The following CLSTN3 variants were observed in gnomAD, a reference collection of about 807,000 sequenced individuals.
CLSTN3 encodes the protein calsyntenin 3.
Under a neutral mutation model 95.9 loss-of-function variants are expected in CLSTN3, and 36 were observed. The ratio of observed to expected loss-of-function variants is 0.38; its 90% CI spans 0.29 to 0.50. CLSTN3 has a LOEUF of 0.50. CLSTN3 is among the 20% of genes least tolerant of loss of function. The pLI is 0.95. For missense variants in CLSTN3, 1,084 were observed against 1,268.8 expected (o/e 0.85, Z 2.21); for synonymous variants, 481 against 504.0 (o/e 0.95, Z 0.61).
At chr12:7,156,722 G>C (rs889332715) in intron 16 of CLSTN3, 3 of 456,702 alleles carry the variant, frequency 6.6e-6, no homozygotes, top group Non-Finnish European at 1.3e-5. Context: ...GAGAGTGAAC[G>C]CACCGTTCTG....
At position 7,130,401 on chromosome 12, in the gene CLSTN3, G is replaced by C; in HGVS notation, c.-248G>C. On this transcript the variant is annotated 5_prime_UTR_variant, in exon 1 of 18. Coordinates refer to ENST00000266546, the MANE Select transcript of CLSTN3 (RefSeq NM_014718.4). The stretch of plus-strand genomic sequence containing the variant: ...GCAGTAGCGGGGTTGGGGTGGGAGT[G>C]AGAGAGTGAGGACGCTGGGCTGGGG... The C allele has an allele frequency of 7.0e-7, 1 of 1,436,952 alleles. No homozygotes were observed. 89.0% of individuals were successfully genotyped at this position (1,436,952 alleles called of 1,614,324 possible). A position where few individuals can be genotyped will look rare whatever the true frequency, so the allele number is the denominator to read the frequency against.
Position 7,149,113 on chromosome 12 carries a change from C to T in CLSTN3, c.1989C>T (p.Gly663=), listed in dbSNP as rs764897270. The T allele has an allele frequency of 8.1e-6, 13 of 1,614,082 alleles. No individual in the cohort carries two copies. Among genetic ancestry groups the T allele is most frequent in the East Asian group, 4.5e-5 (2 of 44,896 alleles). ...RPAVDFEGTN[G]VPLFPDLQIT... is the part of the protein sequence containing the mutation. Reference sequence around the variant, plus strand: ...CTGTGGACTTTGAGGGAACCAACGGCGTCCCTTTGTTCCCTGATCTTCAAA... The same window carrying T: ...CTGTGGACTTTGAGGGAACCAACGGTGTCCCTTTGTTCCCTGATCTTCAAA... The change falls in exon 13 of 18, where the codon GGC becomes GGT. Residue 663 remains glycine (G), a synonymous_variant. Transcript: ENST00000266546. This position sits in a 1 kb window ranked among gnomAD's most constrained non-coding sequence, Gnocchi z 4.5.
rs369161461 is a variant in CLSTN3, at chr12:7,150,601, G to A, written c.2303G>A (p.Arg768Gln). Residue 768 changes from arginine (R) to glutamine (Q), a missense_variant, in exon 15 of 18, where the codon CGA becomes CAA. Physicochemically the swap from Arg to Gln is conservative, Grantham distance 43 (BLOSUM62 1). Coordinates refer to ENST00000266546, the MANE Select transcript of CLSTN3 (RefSeq NM_014718.4). This position sits in a 1 kb window ranked among gnomAD's most constrained non-coding sequence, Gnocchi z 4.0. ...EILRQARYRL[R>Q]HGAALYTRKF... Reference sequence around the variant, plus strand: ...CTGAGGCAGGCTCGTTATCGGCTGCGACACGGAGCTGCCCTCTACACCAGG... The same window carrying A: ...CTGAGGCAGGCTCGTTATCGGCTGCAACACGGAGCTGCCCTCTACACCAGG... 59 of 1,613,918 alleles carry A rather than the reference G, an allele frequency of 3.7e-5. No individual in the cohort carries two copies. Among genetic ancestry groups the A allele is most frequent in the Non-Finnish European group, 4.7e-5 (56 of 1,179,988 alleles).
chr12:7,145,346 G>GGT (rs4013711), intron 12 of CLSTN3, among the ~76,000 whole-genome samples: 125 of 148,574 alleles, frequency 8.4e-4, no homozygotes, highest in African/African-American at 2.8e-3. Flanking sequence ...AATATAGAGG[G>GGT]GTGTGTGTGT....
At position 7,149,258 on chromosome 12, in the gene CLSTN3, G is replaced by C. The variant is rs1443972078; in HGVS notation, c.2074+60G>C. On this transcript the variant is annotated intron_variant, in intron 13 of 17. Coordinates refer to ENST00000266546, the MANE Select transcript of CLSTN3 (RefSeq NM_014718.4). The surrounding 1 kb of genome is among the most constrained non-coding windows in gnomAD (Gnocchi z 4.5). ...GAACCAGCCAGTGTCTGGAGTCAGA[G>C]TGTGGGAGAACTCCTGGGGCTGGAA... is the stretch of plus-strand genomic sequence containing the variant. 1.4e-6 allele frequency: 2 copies of C among 1,435,300 alleles called. No homozygotes were observed. Among genetic ancestry groups the C allele is most frequent in the Non-Finnish European group, 1.9e-6 (2 of 1,029,086 alleles). The allele number at this position is 1,435,300 out of a possible 1,614,324, so 88.9% of individuals were successfully genotyped here. A position where few individuals can be genotyped will look rare whatever the true frequency, so the allele number is the denominator to read the frequency against.
chr12:7,129,660 G>C (rs1156650520), upstream of CLSTN3: 1 of 985,374 alleles, frequency 1.0e-6, no homozygotes, highest in Non-Finnish European at 1.2e-6. The surrounding 1 kb of genome is among the most constrained non-coding windows in gnomAD (Gnocchi z 5.5). Flanking sequence ...GTGGGGTGGA[G>C]GCGCCTAAAT....
Position 7,157,753 on chromosome 12 carries a change from A to G in CLSTN3, c.2730+62A>G. 1 of 1,522,836 alleles carries G rather than the reference A, an allele frequency of 6.6e-7. No individual in the cohort carries two copies. Among genetic ancestry groups the G allele is most frequent in the Non-Finnish European group, 8.9e-7 (1 of 1,127,260 alleles). The allele number at this position is 1,522,836 out of a possible 1,614,324, so 94.3% of individuals were successfully genotyped here. ...AGACTGTGGAGCACACACGGTGAGG[A>G]CTCCTGAGGAGGGGCAGGCCTGGGT... On this transcript the variant is annotated intron_variant, in intron 17 of 17. Coordinates refer to ENST00000266546, the MANE Select transcript of CLSTN3 (RefSeq NM_014718.4). The surrounding 1 kb of genome is among the most constrained non-coding windows in gnomAD (Gnocchi z 5.9).
At chr12:7,139,254 G>C (rs971708349) in intron 8 of CLSTN3, among the ~76,000 whole-genome samples, 4 of 152,216 alleles carry the variant, frequency 2.6e-5, no homozygotes, top group Admixed American at 2.6e-4. Context: ...GCAGAGCATG[G>C]CGGGAGGCAA....
rs1939616513 is a variant in CLSTN3, at chr12:7,145,982, T to C, written c.1847+2671T>C. On this transcript the variant is annotated intron_variant, in intron 12 of 17. Transcript: ENST00000266546. ...TGTTACTGTTCTAGCCCAGGTCTTA[T>C]TACCTCTTATCTGGCCCATTGCCTC... is the stretch of plus-strand genomic sequence containing the variant. 4.6e-5 allele frequency among the ~76,000 whole-genome samples: 7 copies of C among 152,202 alleles called. No individual in the cohort carries two copies. The South Asian group carries it at 1.4e-3, about 31-fold the overall frequency.
At position 7,137,851 on chromosome 12, in the gene CLSTN3, T is replaced by A; in HGVS notation, c.1211-104T>A. 1 of 650,746 alleles carries A rather than the reference T, an allele frequency of 1.5e-6. No homozygotes were observed. Among genetic ancestry groups the A allele is most frequent in the East Asian group, 3.7e-5 (1 of 26,932 alleles). The allele number at this position is 650,746 out of a possible 1,614,324, so 40.3% of individuals were successfully genotyped here. On this transcript the variant is annotated intron_variant, in intron 7 of 17. Transcript: ENST00000266546. The surrounding 1 kb of genome is among the most constrained non-coding windows in gnomAD (Gnocchi z 4.4). ...AGAAAAATGCTAGAGAACGAGGGAA[T>A]GAGAGAGGATTAAGAGAATCCAACA...
At chr12:7,146,124 G>A (rs945896223) in intron 12 of CLSTN3, among the ~76,000 whole-genome samples, 3 of 152,152 alleles carry the variant, frequency 2.0e-5, no homozygotes, top group Non-Finnish European at 4.4e-5. Flanking sequence ...AAAGACGTCG[G>A]TGGCTTCCTC....
At position 7,130,631 on chromosome 12, in the gene CLSTN3, C is replaced by G. The variant is rs1056473616; in HGVS notation, c.-18C>G. On this transcript the variant is annotated 5_prime_UTR_variant, in exon 1 of 18. Coordinates refer to ENST00000266546, the MANE Select transcript of CLSTN3 (RefSeq NM_014718.4). The stretch of plus-strand genomic sequence containing the variant: ...AGGGGAGGCAAACGCCTGGCCCTGC[C>G]CTGCCCCACGCCGCACCATGACCCT... 13 of 1,560,214 alleles carry G rather than the reference C, an allele frequency of 8.3e-6. No homozygotes were observed. The Admixed American group carries it at 1.7e-4, about 21-fold the overall frequency.
intron 12 of CLSTN3, among the ~76,000 whole-genome samples, chr12:7,147,330 C>T (rs1420797169): frequency 8.1e-6 from 1 of 123,272 alleles, no homozygotes. Context: ...ACCTGGGAGG[C>T]AGAGGTTGCA....
intron 12 of CLSTN3, among the ~76,000 whole-genome samples, chr12:7,147,518 C>CTTT (rs63621163): frequency 7.0e-4 from 100 of 142,010 alleles, no homozygotes; most frequent in African/African-American, 2.1e-3. Context: ...TTCTTTTCTT[C>CTTT]TTTTTTTTTT....
chr12:7,141,205 T>C lies in CLSTN3; in HGVS notation c.1324-37T>C. ...TAGGGTTAGCTCTCTGAAGACGAAT[T>C]ACCTGAGAGGCTCTTGCCCCTACCC... On this transcript the variant is annotated intron_variant, in intron 8 of 17. Coordinates refer to ENST00000266546, the MANE Select transcript of CLSTN3 (RefSeq NM_014718.4). This position sits in a 1 kb window ranked among gnomAD's most constrained non-coding sequence, Gnocchi z 4.1. 2 of 1,599,144 alleles carry C rather than the reference T, an allele frequency of 1.3e-6. No individual in the cohort carries two copies. The highest frequency in any genetic ancestry group is 1.7e-6 in the Non-Finnish European group (2 of 1,171,460).
Position 7,133,965 on chromosome 12 carries a change from T to G in CLSTN3, c.383+197T>G. 4 of 495,420 alleles carry G rather than the reference T, an allele frequency of 8.1e-6. No homozygotes were observed. The highest frequency in any genetic ancestry group is 7.6e-5 in the South Asian group (2 of 26,470). The allele number at this position is 495,420 out of a possible 1,614,324, so 30.7% of individuals were successfully genotyped here. On this transcript the variant is annotated intron_variant, in intron 3 of 17. Transcript: ENST00000266546. The surrounding 1 kb of genome is among the most constrained non-coding windows in gnomAD (Gnocchi z 4.7). ...AAGGTGACAGAAACGTATAGTAGAG[T>G]TCAGTGGATCTAATCTTGGCTTTGC...
intron 12 of CLSTN3, among the ~76,000 whole-genome samples, chr12:7,148,440 C>G (rs1939665533): frequency 6.6e-6 from 1 of 152,178 alleles, no homozygotes; most frequent in African/African-American, 2.4e-5. Flanking sequence ...GATGATCTCA[C>G]CTACCAAAGT....
Position 7,157,220 on chromosome 12 carries a change from C to T in CLSTN3, c.2528-269C>T, listed in dbSNP as rs973607403. ...GTGTTGGGCAGGGAGTCTTTTTCCT[C>T]CTCTGCCCTTGCCTCTCTGTACACC... On this transcript the variant is annotated intron_variant, in intron 16 of 17. Transcript: ENST00000266546. The surrounding 1 kb of genome is among the most constrained non-coding windows in gnomAD (Gnocchi z 5.9). 6.6e-6 allele frequency among the ~76,000 whole-genome samples: 1 copy of T among 152,190 alleles called. No individual in the cohort carries two copies. The highest frequency in any genetic ancestry group is 6.5e-5 in the Admixed American group (1 of 15,284).
chr12:7,131,939 T>G (rs1555167835), intron 1 of CLSTN3: 1 of 455,988 alleles, frequency 2.2e-6, no homozygotes, highest in Non-Finnish European at 4.4e-6. Flanking sequence ...GGGATGAGGT[T>G]CCTTTTGGTG....
Sources: allele counts gnomAD v4.1 joint callset (sites outside exome capture counted in the v4.1 genomes callset), GRCh38; gene constraint gnomAD v4.1.1; non-coding constraint Gnocchi (gnomAD v3.1); transcripts MANE v1.5; gene names NCBI Gene and HGNC (gene_info 2026-07-23, HGNC 2026-07-21).